Variants in BAIAP2L1 observed in about 807,000 individuals in gnomAD.
The protein encoded by BAIAP2L1 is BAR/IMD domain containing adaptor protein 2 like 1.
A neutral mutation model predicts 66.3 loss-of-function variants in BAIAP2L1; 35 were observed. That is an observed-to-expected ratio of 0.53 (90% CI 0.40 to 0.70). BAIAP2L1 has a LOEUF of 0.70. Ranked by LOEUF, BAIAP2L1 falls within the 30% of genes least tolerant of loss-of-function variation. BAIAP2L1 has a pLI of 0.00. For synonymous variants in BAIAP2L1, 269 were observed against 248.7 expected (o/e 1.08, Z -0.77); for missense variants, 622 against 656.9 (o/e 0.95, Z 0.58).
chr7:98,349,332 G>A (rs958198986), intron 3 of BAIAP2L1, among the ~76,000 whole-genome samples: 17 of 152,324 alleles, frequency 1.1e-4, no homozygotes, highest in African/African-American at 4.1e-4. Context: ...CCGTGTTTCT[G>A]TATGGAAGCA....
chr7:98,326,872 CAA>C (rs76222115), intron 3 of BAIAP2L1, among the ~76,000 whole-genome samples: 1 of 145,100 alleles, frequency 6.9e-6, no homozygotes, highest in East Asian at 2.0e-4. Flanking sequence ...CTAGTCGTGA[CAA>C]AAAAAAAAAT....
intron 3 of BAIAP2L1, among the ~76,000 whole-genome samples, chr7:98,325,123 G>C (rs949471575): frequency 1.3e-5 from 2 of 152,160 alleles, no homozygotes; most frequent in African/African-American, 4.8e-5. Flanking sequence ...AGTGGCTCAC[G>C]CCTGTAATCC....
At chr7:98,347,706 C>T (rs555625800) in intron 3 of BAIAP2L1, among the ~76,000 whole-genome samples, 33 of 151,844 alleles carry the variant, frequency 2.2e-4, no homozygotes, top group African/African-American at 6.5e-4. Flanking sequence ...ACCCGGGAAG[C>T]GGAGCGTGCA....
intron 12 of BAIAP2L1, among the ~76,000 whole-genome samples, chr7:98,296,775 C>G (rs953750725): frequency 6.6e-6 from 1 of 152,228 alleles, no homozygotes; most frequent in Non-Finnish European, 1.5e-5. Flanking sequence ...CTGGCAGGAG[C>G]CTCTCTGCCT....
intron 11 of BAIAP2L1, 77 bp downstream of exon 11, chr7:98,306,362 C>G: frequency 6.5e-7 from 1 of 1,548,944 alleles, no homozygotes; most frequent in South Asian, 1.1e-5. Flanking sequence ...TGCGACACAG[C>G]TAGATGGTGG....
intron 1 of BAIAP2L1, among the ~76,000 whole-genome samples, chr7:98,388,139 C>T (rs1003556924): frequency 3.3e-5 from 5 of 152,162 alleles, no homozygotes; most frequent in African/African-American, 1.2e-4. Flanking sequence ...TGAATACCTA[C>T]GATGCGCCAG....
chr7:98,375,828 G>A (rs1802614625), intron 1 of BAIAP2L1, among the ~76,000 whole-genome samples: 1 of 150,672 alleles, frequency 6.6e-6, no homozygotes, highest in South Asian at 2.1e-4. Flanking sequence ...AAGCACTAAA[G>A]CACTAGAGAT....
intron 2 of BAIAP2L1, among the ~76,000 whole-genome samples, chr7:98,361,569 T>C (rs1018558984): frequency 5.3e-5 from 8 of 152,114 alleles, no homozygotes; most frequent in Non-Finnish European, 8.8e-5. Flanking sequence ...ATGTTAGAAT[T>C]TGGTGATTGC....
chr7:98,315,641 A>AATAATT (rs758147248), intron 6 of BAIAP2L1, 29 bp from the exon 7 acceptor site: 70 of 1,055,400 alleles, frequency 6.6e-5, no homozygotes, highest in Non-Finnish European at 5.4e-5. Flanking sequence ...TAATAATAAT[A>AATAATT]ATTATATAAG....
At chr7:98,357,043 ATATATATTTTTTTT>A (rs1222164315) in intron 2 of BAIAP2L1, among the ~76,000 whole-genome samples, 6 of 16,762 alleles carry the variant, frequency 3.6e-4, no homozygotes, top group African/African-American at 1.3e-3. Context: ...ATATATATAT[ATATATATTTTTTTT>A]TTTTTTTTTT....
intron 3 of BAIAP2L1, among the ~76,000 whole-genome samples, chr7:98,339,608 G>A (rs943988355): frequency 6.6e-6 from 1 of 152,180 alleles, no homozygotes. Flanking sequence ...GGCCTCACTC[G>A]CTTCATGATT....
intron 11 of BAIAP2L1, among the ~76,000 whole-genome samples, 192 bp from the exon 12 acceptor site, chr7:98,304,568 GAC>G (rs906465302): frequency 2.5e-4 from 38 of 152,032 alleles, no homozygotes; most frequent in African/African-American, 7.7e-4. Context: ...ATTTTTTTGC[GAC>G]AGAGTCTCAC....
At chr7:98,363,027 CTTTT>C (rs71537235) in intron 1 of BAIAP2L1, among the ~76,000 whole-genome samples, 8 of 75,582 alleles carry the variant, frequency 1.1e-4, no homozygotes, top group South Asian at 4.8e-4. Context: ...GGCATTTTTT[CTTTT>C]TTTTTTTTTT....
At chr7:98,361,120 G>A (rs1802258996) in intron 2 of BAIAP2L1, among the ~76,000 whole-genome samples, 1 of 152,190 alleles carries the variant, frequency 6.6e-6, no homozygotes, top group Admixed American at 6.6e-5. Context: ...ACTTTGGGAG[G>A]CTGAGGGGAG....
intron 12 of BAIAP2L1, among the ~76,000 whole-genome samples, chr7:98,299,990 A>G (rs1800355291): frequency 6.6e-6 from 1 of 152,168 alleles, no homozygotes; most frequent in Non-Finnish European, 1.5e-5. Context: ...GCTGTGAACC[A>G]AGATCATGCC....
chr7:98,361,956 C>T (rs1297216800), intron 2 of BAIAP2L1, among the ~76,000 whole-genome samples: 7 of 151,440 alleles, frequency 4.6e-5, no homozygotes, highest in African/African-American at 1.7e-4. Context: ...AGTGACACAT[C>T]GGGGAAAAAA....
intron 1 of BAIAP2L1, among the ~76,000 whole-genome samples, chr7:98,394,121 T>C (rs953272932): frequency 3.9e-5 from 6 of 151,962 alleles, no homozygotes; most frequent in African/African-American, 1.4e-4. Context: ...CAGGCGCCTG[T>C]AGTCCCAGCT....
Position 98,320,233 on chromosome 7 carries a change from G to A in BAIAP2L1, c.276+4C>T, listed in dbSNP as rs201474744. 94 of 1,605,648 alleles carry A rather than the reference G, an allele frequency of 5.9e-5. No individual in the cohort carries two copies. Among genetic ancestry groups the A allele is most frequent in the Non-Finnish European group, 7.5e-5 (88 of 1,173,668 alleles). On this transcript the variant is annotated splice_donor_region_variant and intron_variant, in intron 4 of 13. Coordinates refer to ENST00000005260, the MANE Select transcript of BAIAP2L1 (RefSeq NM_018842.5). ...TTTTGTAAATAGAAACACAGATCAC[G>A]TACATTTTCATCAAGACTCTCGTTG...
intron 3 of BAIAP2L1, among the ~76,000 whole-genome samples, chr7:98,348,101 C>T (rs921471469): frequency 3.3e-4 from 50 of 151,734 alleles, no homozygotes; most frequent in Non-Finnish European, 4.6e-4. Flanking sequence ...CAAACCTGCA[C>T]GTTCTTCACA....
Sources: gnomAD v4.1 joint callset for allele counts (sites outside exome capture counted in the v4.1 genomes callset) on GRCh38, gnomAD v4.1.1 for gene constraint, MANE v1.5 for transcripts, NCBI Gene and HGNC (gene_info 2026-07-23, HGNC 2026-07-21) for gene names.